The following CEP104 variants were observed in gnomAD, a reference collection of about 807,000 sequenced individuals.
The protein encoded by CEP104 is centrosomal protein 104.
In CEP104, 84 loss-of-function variants were observed where a neutral mutation model predicts 113.3. That is an observed-to-expected ratio of 0.74 (90% confidence interval 0.62 to 0.89). The LOEUF is 0.89. Ranked by LOEUF, CEP104 falls within the 40% of genes least tolerant of loss-of-function variation. The pLI, the probability that CEP104 is intolerant of heterozygous loss-of-function variation, is 0.00. For missense variants in CEP104, 1,053 were observed against 1,156.6 expected, an observed-to-expected ratio of 0.91 and a Z score of 1.30; for synonymous variants, 378 against 421.7, an observed-to-expected ratio of 0.90 and a Z score of 1.27.
Position 3,848,860 on chromosome 1 carries a change from G to T in CEP104, c.114-79C>A, listed in dbSNP as rs10492943. On this transcript the variant is annotated intron_variant, in intron 2 of 21. Coordinates refer to ENST00000378230, the MANE Select transcript of CEP104 (RefSeq NM_014704.4). ...AGATGCTAGCATCTCATTCTTGCAGGTAAGAAGCATTAACCACACACCCAC... is the reference window on the plus strand; with the variant it reads ...AGATGCTAGCATCTCATTCTTGCAGTTAAGAAGCATTAACCACACACCCAC... 152,092 of 1,219,034 alleles carry T rather than the reference G, an allele frequency of 0.12. 10,226 individuals are homozygous for T. The highest frequency in any genetic ancestry group is 0.14 in the Middle Eastern group (703 of 4,900). The allele number at this position is 1,219,034 out of a possible 1,614,324, so 75.5% of individuals were successfully genotyped here. A position where few individuals can be genotyped will look rare whatever the true frequency, so the allele number is the denominator to read the frequency against.
At position 3,852,284 on chromosome 1, in the gene CEP104, C is replaced by G; in HGVS notation, c.113+11G>C. 6.2e-7 allele frequency: 1 copy of G among 1,612,222 alleles called. No individual in the cohort carries two copies. The highest frequency in any genetic ancestry group is 1.1e-5 in the South Asian group (1 of 90,962). ...CCTCCCAGCCCAAGCCCCGCCCCGT[C>G]CAGTCCTCACCTAGGTGACCGCCAC... On this transcript the variant is annotated intron_variant, in intron 2 of 21. Transcript: ENST00000378230.
chr1:3,820,286 G>T (rs34692790), intron 20 of CEP104, among the ~76,000 whole-genome samples: 1,671 of 152,326 alleles, frequency 0.011, 17 homozygotes, highest in Non-Finnish European at 0.017. Context: ...GGCAATAACT[G>T]AAATCAGAGG....
In CEP104 at chr1:3,836,468, GTTTTTTTTTT is replaced by G. The variant is rs36051675; in HGVS notation, c.1317+17_1317+26del. The G allele has an allele frequency of 1.3e-5, 13 of 1,011,156 alleles. No individual in the cohort carries two copies. The highest frequency in any genetic ancestry group is 1.2e-4 in the Admixed American group (4 of 32,726). 62.6% of individuals were successfully genotyped at this position (1,011,156 alleles called of 1,614,324 possible). ...AGACTAGCCTCCCCTCTGCCACCCCGTTTTTTTTTTTTTTTTTTTTTTTTACCAAGGTTTC... is the reference window on the plus strand; with the variant it reads ...AGACTAGCCTCCCCTCTGCCACCCCGTTTTTTTTTTTTTTACCAAGGTTTC... On this transcript the variant is annotated intron_variant, in intron 10 of 21. Transcript: ENST00000378230.
At chr1:3,825,607 G>A (rs1570781141) in intron 18 of CEP104, 151 bp downstream of exon 18, 2 of 605,112 alleles carry the variant, frequency 3.3e-6, no homozygotes, top group Non-Finnish European at 5.9e-6. Context: ...TGACTCGCAC[G>A]CATTTGCGGG....
At position 3,843,637 on chromosome 1, in the gene CEP104, C is replaced by T. The variant is rs146333875; in HGVS notation, c.566+1270G>A. ...AAAGTGGTGAGATTACAGGCGTTAGCCACCACACCCAGCCTACAATTGTTA... is the reference window on the plus strand; with the variant it reads ...AAAGTGGTGAGATTACAGGCGTTAGTCACCACACCCAGCCTACAATTGTTA... On this transcript the variant is annotated intron_variant, in intron 6 of 21. Coordinates refer to ENST00000378230, the MANE Select transcript of CEP104 (RefSeq NM_014704.4). 5.9e-3 allele frequency among the ~76,000 whole-genome samples: 901 copies of T among 152,130 alleles called. 12 individuals carry two copies. Among genetic ancestry groups the T allele is most frequent in the African/African-American group, 0.021 (866 of 41,500 alleles).
At chr1:3,849,541 A>G (rs550430713) in intron 2 of CEP104, among the ~76,000 whole-genome samples, 22 of 152,312 alleles carry the variant, frequency 1.4e-4, no homozygotes, top group Non-Finnish European at 2.6e-4. Flanking sequence ...CAAAAGTAAC[A>G]CAACGTATTA....
chr1:3,844,787 C>T (rs1644477083), intron 6 of CEP104, 120 bp downstream of exon 6: 1 of 699,732 alleles, frequency 1.4e-6, no homozygotes. Context: ...CAATCAGTGG[C>T]TTATCCAGCT....
Position 3,816,379 on chromosome 1 carries a change from G to T in CEP104, c.2572-9C>A. The T allele has an allele frequency of 6.5e-7, 1 of 1,548,526 alleles. No individual in the cohort carries two copies. On this transcript the variant is annotated splice_polypyrimidine_tract_variant and intron_variant, in intron 20 of 21. Coordinates refer to ENST00000378230, the MANE Select transcript of CEP104 (RefSeq NM_014704.4). ...AGGTGAGCTTTCCATGCCTGCAGCA[G>T]AGGAGGCACACAGAGTGTTAATCAG... is the stretch of plus-strand genomic sequence containing the variant.
At chr1:3,850,785 C>T (rs574598143) in intron 2 of CEP104, among the ~76,000 whole-genome samples, 5 of 152,226 alleles carry the variant, frequency 3.3e-5, no homozygotes, top group Non-Finnish European at 1.5e-5. Context: ...GGTACATCCT[C>T]TGAAAGCACG....
intron 20 of CEP104, among the ~76,000 whole-genome samples, chr1:3,820,264 T>G (rs925263200): frequency 1.3e-5 from 2 of 152,044 alleles, no homozygotes; most frequent in Admixed American, 6.6e-5. Context: ...CTGCTCCTAG[T>G]AGGAAACCAA....
intron 7 of CEP104, among the ~76,000 whole-genome samples, 169 bp from the exon 8 acceptor site, chr1:3,839,288 A>G (rs542979469): frequency 4.3e-4 from 66 of 152,288 alleles, no homozygotes; most frequent in African/African-American, 1.6e-3. Flanking sequence ...CTGTTGCTGT[A>G]TGGGCATTTA....
chr1:3,821,745 A>G (rs1416589510), intron 20 of CEP104, among the ~76,000 whole-genome samples: 1 of 152,250 alleles, frequency 6.6e-6, no homozygotes, highest in Non-Finnish European at 1.5e-5. Flanking sequence ...GGGACAGAGA[A>G]ACAGGTTAAG....
chr1:3,816,911 G>A (rs1269218319), intron 20 of CEP104, among the ~76,000 whole-genome samples: 1 of 152,258 alleles, frequency 6.6e-6, no homozygotes, highest in Non-Finnish European at 1.5e-5. Context: ...ACGACCAGCT[G>A]TGGGACCGTC....
At chr1:3,835,985 C>A (rs1404440520) in intron 10 of CEP104, among the ~76,000 whole-genome samples, 1 of 139,710 alleles carries the variant, frequency 7.2e-6, no homozygotes, top group African/African-American at 2.7e-5. Context: ...CCCTGGGTGA[C>A]AGAGTGACAC....
chr1:3,855,747 G>C (rs1245803536), intron 1 of CEP104: 1 of 253,328 alleles, frequency 3.9e-6, no homozygotes, highest in African/African-American at 2.3e-5. Flanking sequence ...AAACCTTCAA[G>C]TGTTACATAA....
chr1:3,817,374 C>T (rs1020203595), intron 20 of CEP104, among the ~76,000 whole-genome samples: 1 of 152,150 alleles, frequency 6.6e-6, no homozygotes, highest in Non-Finnish European at 1.5e-5. Flanking sequence ...GGACACTGCT[C>T]CAGCCGCTCT....
chr1:3,855,491 TC>T (rs1365690127), intron 1 of CEP104, among the ~76,000 whole-genome samples: 1 of 152,022 alleles, frequency 6.6e-6, no homozygotes, highest in Non-Finnish European at 1.5e-5. Context: ...TAACCAACAC[TC>T]TCTGTTACGG....
At position 3,852,460 on chromosome 1, in the gene CEP104, G is replaced by T. The variant is rs564102088; in HGVS notation, c.-14-39C>A. 2.2e-4 allele frequency: 353 copies of T among 1,574,028 alleles called. 1 individual carries two copies. The African/African-American group carries it at 4.2e-3, about 19-fold the overall frequency. ...CAGGAAAAACTTCTTTAAAACAAAG[G>T]AATTCACTAACACATGGACATTTAA... On this transcript the variant is annotated intron_variant, in intron 1 of 21. Coordinates refer to ENST00000378230, the MANE Select transcript of CEP104 (RefSeq NM_014704.4).
intron 2 of CEP104, 151 bp from the exon 3 acceptor site, chr1:3,848,932 G>C: frequency 1.6e-6 from 1 of 611,830 alleles, no homozygotes; most frequent in Non-Finnish European, 2.8e-6. Flanking sequence ...AGATGCCTGC[G>C]ACATGATTCC....
Sources: gnomAD v4.1 joint callset for allele counts (sites outside exome capture counted in the v4.1 genomes callset) on GRCh38, gnomAD v4.1.1 for gene constraint, MANE v1.5 for transcripts, NCBI Gene and HGNC (gene_info 2026-07-23, HGNC 2026-07-21) for gene names.